EPHB1: variants seen among roughly 807,000 people sequenced by gnomAD.
EPHB1 encodes the protein ephrin type-B receptor 1.
EPHB1 carries 30 observed loss-of-function variants against 94.4 expected under a neutral mutation model. The observed-to-expected ratio is 0.32, with a 90% CI of 0.24 to 0.43. EPHB1 has a LOEUF of 0.43. Among genes scored for constraint, EPHB1 ranks in the 20% least tolerant of loss-of-function variants. The probability of loss-of-function intolerance (pLI) is 1.00; values close to 1 mark genes in which losing one functional copy is unlikely to be tolerated. For missense variants in EPHB1, 1,055 were observed against 1,308.3 expected (o/e 0.81, Z 2.99); for synonymous variants, 522 against 489.1 (o/e 1.07, Z -0.89).
chr3:135,248,262 T>TGAC, intron 13 of EPHB1, 54 bp from the exon 14 acceptor site: 1 of 1,465,088 alleles, frequency 6.8e-7, no homozygotes, highest in Non-Finnish European at 9.2e-7. Flanking sequence ...AATTTGTGAG[T>TGAC]GACTGGCTGG....
intron 1 of EPHB1, among the ~76,000 whole-genome samples, chr3:134,802,729 C>T (rs1238487950): frequency 2.0e-5 from 3 of 152,184 alleles, no homozygotes; most frequent in Non-Finnish European, 2.9e-5. Flanking sequence ...TGTATGTTTA[C>T]TTCTAACTTT....
intron 3 of EPHB1, among the ~76,000 whole-genome samples, chr3:134,965,538 C>T (rs1010110791): frequency 2.2e-4 from 33 of 152,082 alleles, no homozygotes; most frequent in African/African-American, 7.0e-4. Context: ...GTACTCCTCC[C>T]GCCTGGGTGA....
At chr3:135,037,673 A>G (rs1015094132) in intron 3 of EPHB1, among the ~76,000 whole-genome samples, 10 of 152,226 alleles carry the variant, frequency 6.6e-5, no homozygotes, top group African/African-American at 2.2e-4. Flanking sequence ...TGAACCAGCT[A>G]AAAGTTTGCA....
intron 13 of EPHB1, among the ~76,000 whole-genome samples, chr3:135,245,512 TC>T (rs1943896272): frequency 5.1e-5 from 1 of 19,796 alleles, no homozygotes; most frequent in Admixed American, 6.5e-4. Flanking sequence ...AGAACAGTCT[TC>T]AAAAAAAAAA....
At chr3:135,119,594 G>T (rs553563547) in intron 4 of EPHB1, among the ~76,000 whole-genome samples, 3 of 152,166 alleles carry the variant, frequency 2.0e-5, no homozygotes, top group African/African-American at 7.2e-5. Flanking sequence ...CTGGGCTACA[G>T]GTACGCATCA....
intron 2 of EPHB1, among the ~76,000 whole-genome samples, chr3:134,946,802 C>T (rs976841768): frequency 1.3e-5 from 2 of 150,906 alleles, no homozygotes; most frequent in African/African-American, 4.9e-5. Flanking sequence ...CTCCACCTTC[C>T]TCCATGATTG....
intron 1 of EPHB1, among the ~76,000 whole-genome samples, chr3:134,908,247 C>T (rs759773887): frequency 1.3e-5 from 2 of 152,216 alleles, no homozygotes; most frequent in South Asian, 2.1e-4. Context: ...TTCAGTGTGT[C>T]GGCATGGAGG....
chr3:135,049,990 G>A (rs758555121), intron 3 of EPHB1, among the ~76,000 whole-genome samples: 2 of 152,192 alleles, frequency 1.3e-5, no homozygotes, highest in Admixed American at 1.3e-4. Flanking sequence ...CCCACCCTGG[G>A]CATGGTGCCT....
intron 3 of EPHB1, among the ~76,000 whole-genome samples, chr3:135,035,185 G>A (rs533525750): frequency 1.3e-5 from 2 of 152,310 alleles, no homozygotes; most frequent in East Asian, 1.9e-4. Flanking sequence ...GTGGGGATGG[G>A]TTGTGCCAAA....
In EPHB1 at chr3:134,822,518, C is replaced by T. The variant is rs190502851; in HGVS notation, c.58+26829C>T. On this transcript the variant is annotated intron_variant, in intron 1 of 15. Transcript: ENST00000398015. ...ATCACTTCCTAAAGTCAGGAAGTTG[C>T]CTAAACATTTTTGAGGAATGCCCAC... is the stretch of plus-strand genomic sequence containing the variant. Among the ~76,000 whole-genome samples the T allele has an allele frequency of 1.8e-3, 277 of 152,258 alleles. 2 individuals carry two copies. Among genetic ancestry groups the T allele is most frequent in the African/African-American group, 6.5e-3 (268 of 41,548 alleles).
chr3:135,008,509 G>C (rs1282717661), intron 3 of EPHB1, among the ~76,000 whole-genome samples: 1 of 152,140 alleles, frequency 6.6e-6, no homozygotes, highest in African/African-American at 2.4e-5. Flanking sequence ...TTCAAAGAAT[G>C]CACTGGCATG....
intron 3 of EPHB1, among the ~76,000 whole-genome samples, chr3:134,985,247 G>T (rs1336453619): frequency 6.6e-6 from 1 of 152,178 alleles, no homozygotes; most frequent in Middle Eastern, 3.4e-3. Context: ...TCCACCTCCT[G>T]GTTTCAAGCA....
At chr3:134,884,259 G>T (rs1206214822) in intron 1 of EPHB1, among the ~76,000 whole-genome samples, 1 of 152,252 alleles carries the variant, frequency 6.6e-6, no homozygotes, top group Non-Finnish European at 1.5e-5. Flanking sequence ...TCAGAGAGCA[G>T]GGATGGTGTG....
At chr3:134,963,536 C>T (rs1023224360) in intron 3 of EPHB1, among the ~76,000 whole-genome samples, 11 of 152,144 alleles carry the variant, frequency 7.2e-5, no homozygotes, top group African/African-American at 2.2e-4. Flanking sequence ...AAAGCAGTGA[C>T]GGTGTGCTAG....
intron 3 of EPHB1, among the ~76,000 whole-genome samples, chr3:134,983,845 G>C (rs1468694926): frequency 6.6e-6 from 1 of 152,236 alleles, no homozygotes; most frequent in Non-Finnish European, 1.5e-5. Flanking sequence ...GTCTGGACAA[G>C]TTTTTAGAAA....
chr3:134,802,584 G>A (rs140815581), intron 1 of EPHB1, among the ~76,000 whole-genome samples: 2 of 152,292 alleles, frequency 1.3e-5, no homozygotes, highest in African/African-American at 4.8e-5. Context: ...CCATGAGGAA[G>A]ACTGTATTCT....
At chr3:135,050,775 C>T (rs1008719706) in intron 3 of EPHB1, among the ~76,000 whole-genome samples, 11 of 152,122 alleles carry the variant, frequency 7.2e-5, no homozygotes, top group African/African-American at 2.7e-4. Flanking sequence ...CTTGCTTCCT[C>T]TCTCGCCATA....
intron 1 of EPHB1, among the ~76,000 whole-genome samples, chr3:134,857,646 C>G (rs2037152480): frequency 6.6e-6 from 1 of 152,096 alleles, no homozygotes; most frequent in Admixed American, 6.5e-5. Flanking sequence ...TCGTCCACCC[C>G]AGGACCATTC....
intron 12 of EPHB1, among the ~76,000 whole-genome samples, chr3:135,202,295 C>T (rs73862046): frequency 0.024 from 3,617 of 152,262 alleles, 148 homozygotes; most frequent in African/African-American, 0.083. Flanking sequence ...TTGGGATTTA[C>T]TCTCCAATAT....
Sources: allele counts gnomAD v4.1 joint callset (sites outside exome capture counted in the v4.1 genomes callset), GRCh38; gene constraint gnomAD v4.1.1; transcripts MANE v1.5; gene names NCBI Gene and HGNC (gene_info 2026-07-23, HGNC 2026-07-21).